The following PRKAG2 variants were observed in gnomAD, a reference collection of about 807,000 sequenced individuals.
PRKAG2 encodes 5'-AMP-activated protein kinase subunit gamma-2.
PRKAG2 carries 26 observed loss-of-function variants against 69.6 expected under a neutral mutation model. The observed-to-expected ratio is 0.37, with a 90% CI of 0.27 to 0.52. PRKAG2 has a LOEUF of 0.52. Among genes scored for constraint, PRKAG2 ranks in the 20% least tolerant of loss-of-function variants. PRKAG2 has a pLI of 0.90. For missense variants in PRKAG2, 557 were observed against 740.0 expected, an observed-to-expected ratio of 0.75 and a Z score of 2.87; for synonymous variants, 293 against 285.0, an observed-to-expected ratio of 1.03 and a Z score of -0.28.
chr7:151,622,647 A>G (rs1821814808), intron 5 of PRKAG2, among the ~76,000 whole-genome samples: 1 of 152,094 alleles, frequency 6.6e-6, no homozygotes, highest in Non-Finnish European at 1.5e-5. Context: ...CTTGAGCCTG[A>G]ATTTCTTCAT....
At chr7:151,714,010 C>A (rs959790774) in intron 3 of PRKAG2, among the ~76,000 whole-genome samples, 1 of 152,188 alleles carries the variant, frequency 6.6e-6, no homozygotes, top group Non-Finnish European at 1.5e-5. Flanking sequence ...AGAACCGGCA[C>A]ATACCCCCAA....
intron 1 of PRKAG2, among the ~76,000 whole-genome samples, chr7:151,817,060 C>G (rs1371559983): frequency 3.3e-5 from 5 of 152,120 alleles, no homozygotes; most frequent in Admixed American, 3.3e-4. Flanking sequence ...AACTCCACTC[C>G]TGCTTGCAAG....
At chr7:151,862,675 G>A (rs1017237466) in intron 1 of PRKAG2, among the ~76,000 whole-genome samples, 4 of 152,230 alleles carry the variant, frequency 2.6e-5, no homozygotes, top group South Asian at 2.1e-4. Context: ...TGGATACTTC[G>A]AAAGAAAAAT....
chr7:151,732,673 C>T (rs1195144884), intron 3 of PRKAG2, among the ~76,000 whole-genome samples: 1 of 152,132 alleles, frequency 6.6e-6, no homozygotes, highest in Admixed American at 6.5e-5. Context: ...CACAAGCAGC[C>T]AGATCACAGA....
At position 151,638,012 on chromosome 7, in the gene PRKAG2, C is replaced by A. The variant is rs1826030508; in HGVS notation, c.685-5874G>T. 6.6e-6 allele frequency among the ~76,000 whole-genome samples: 1 copy of A among 152,146 alleles called. No homozygotes were observed. The highest frequency in any genetic ancestry group is 2.4e-5 in the African/African-American group (1 of 41,420). On this transcript the variant is annotated intron_variant, in intron 4 of 15. Transcript: ENST00000287878. This position sits in a 1 kb window ranked among gnomAD's most constrained non-coding sequence, Gnocchi z 4.3. ...AGGGAAGGGGCGTGCACTTGTGACA[C>A]CGACTCCTCTCTCAGTCCATCAGCA...
chr7:151,811,518 A>G (rs1314137708), intron 1 of PRKAG2, among the ~76,000 whole-genome samples: 1 of 152,260 alleles, frequency 6.6e-6, no homozygotes, highest in African/African-American at 2.4e-5. Flanking sequence ...AATTGAGGCT[A>G]GAGCTTTGCC....
chr7:151,561,040 G>T (rs547728398), intron 14 of PRKAG2, among the ~76,000 whole-genome samples: 14 of 152,188 alleles, frequency 9.2e-5, no homozygotes, highest in Non-Finnish European at 1.8e-4. Context: ...TGATTACCTG[G>T]AAGACCTACT....
At chr7:151,745,021 G>T (rs992207885) in intron 3 of PRKAG2, among the ~76,000 whole-genome samples, 5 of 152,212 alleles carry the variant, frequency 3.3e-5, no homozygotes, top group African/African-American at 1.2e-4. Context: ...TCCGTGGGCA[G>T]CTTGTGGGAT....
At chr7:151,865,291 C>T (rs1300977469) in intron 1 of PRKAG2, among the ~76,000 whole-genome samples, 1 of 152,256 alleles carries the variant, frequency 6.6e-6, no homozygotes, top group Admixed American at 6.5e-5. Flanking sequence ...GGGCGATGGG[C>T]AGACATGCAG....
chr7:151,691,106 C>T (rs914170212), intron 3 of PRKAG2, among the ~76,000 whole-genome samples: 8 of 152,164 alleles, frequency 5.3e-5, no homozygotes, highest in Non-Finnish European at 1.0e-4. Flanking sequence ...GATTCCAGAA[C>T]CCCTCTCAGG....
At chr7:151,852,157 C>T (rs1006674011) in intron 1 of PRKAG2, among the ~76,000 whole-genome samples, 15 of 152,148 alleles carry the variant, frequency 9.9e-5, no homozygotes, top group Non-Finnish European at 2.1e-4. Flanking sequence ...CAGCTCAGAC[C>T]GAGGCACTGG....
intron 6 of PRKAG2, among the ~76,000 whole-genome samples, chr7:151,592,774 C>T (rs192336704): frequency 6.6e-6 from 1 of 152,306 alleles, no homozygotes; most frequent in African/African-American, 2.4e-5. Flanking sequence ...TTTAACTGGT[C>T]TCTTAGGTTG....
intron 3 of PRKAG2, among the ~76,000 whole-genome samples, chr7:151,697,551 G>A (rs1836894258): frequency 6.6e-6 from 1 of 152,186 alleles, no homozygotes; most frequent in Non-Finnish European, 1.5e-5. Flanking sequence ...GGCTTGGAGA[G>A]CTGGGTACAC....
At chr7:151,591,122 G>A (rs997155167) in intron 6 of PRKAG2, among the ~76,000 whole-genome samples, 7 of 152,216 alleles carry the variant, frequency 4.6e-5, no homozygotes, top group African/African-American at 7.2e-5. Context: ...TACAGGTGAG[G>A]GGCCCCTTCA....
intron 3 of PRKAG2, among the ~76,000 whole-genome samples, chr7:151,747,661 G>A (rs774045315): frequency 2.0e-5 from 3 of 152,198 alleles, no homozygotes; most frequent in Admixed American, 1.3e-4. Context: ...TTAAGTTCCA[G>A]ATATCTAGAA....
intron 3 of PRKAG2, among the ~76,000 whole-genome samples, chr7:151,700,216 A>G (rs1413005348): frequency 6.6e-6 from 1 of 152,186 alleles, no homozygotes; most frequent in East Asian, 1.9e-4. Flanking sequence ...GAAAAGAAAG[A>G]GGCGTATTAT....
At chr7:151,754,047 C>G (rs1563597337) in intron 3 of PRKAG2, among the ~76,000 whole-genome samples, 1 of 152,154 alleles carries the variant, frequency 6.6e-6, no homozygotes, top group African/African-American at 2.4e-5. Flanking sequence ...TACAGTGGGC[C>G]TGTGTGTTAA....
intron 3 of PRKAG2, among the ~76,000 whole-genome samples, chr7:151,724,675 C>T (rs1797643339): frequency 6.6e-6 from 1 of 152,096 alleles, no homozygotes; most frequent in South Asian, 2.1e-4. Context: ...GCTCTCGGAC[C>T]CTGCGCAGGA....
intron 3 of PRKAG2, among the ~76,000 whole-genome samples, chr7:151,730,464 G>A (rs1317315379): frequency 1.3e-5 from 2 of 152,264 alleles, no homozygotes; most frequent in South Asian, 4.1e-4. Flanking sequence ...CCAGGAGTTC[G>A]AGACCACCCT....
Sources: allele counts gnomAD v4.1 joint callset (sites outside exome capture counted in the v4.1 genomes callset), GRCh38; gene constraint gnomAD v4.1.1; non-coding constraint Gnocchi (gnomAD v3.1); transcripts MANE v1.5; gene names NCBI Gene and HGNC (gene_info 2026-07-23, HGNC 2026-07-21).